Variants in RAPGEF4 observed in about 807,000 individuals in gnomAD.
The protein encoded by RAPGEF4 is Rap guanine nucleotide exchange factor 4.
In RAPGEF4, 66 loss-of-function variants were observed where a neutral mutation model predicts 147.9. The ratio of observed to expected loss-of-function variants is 0.45; its 90% CI spans 0.37 to 0.55. The LOEUF is 0.55. Ranked by LOEUF, RAPGEF4 falls within the 20% of genes least tolerant of loss-of-function variation. RAPGEF4 has a pLI of 0.00. For synonymous variants in RAPGEF4, 419 were observed against 442.7 expected, an observed-to-expected ratio of 0.95 and a Z score of 0.67; for missense variants, 1,071 against 1,257.3, an observed-to-expected ratio of 0.85 and a Z score of 2.24.
chr2:172,846,375 T>C (rs961096557), intron 4 of RAPGEF4, among the ~76,000 whole-genome samples: 3 of 152,216 alleles, frequency 2.0e-5, no homozygotes, highest in African/African-American at 7.2e-5. Context: ...TCCCTGAGCA[T>C]AAGGTTTTGG....
chr2:172,797,458 A>T, intron 2 of RAPGEF4, 67 bp from the exon 3 acceptor site: 1 of 1,292,108 alleles, frequency 7.7e-7, no homozygotes, highest in Non-Finnish European at 1.1e-6. Flanking sequence ...CCAGTGAAAA[A>T]CTGGCAGATC....
chr2:172,804,850 A>G (rs1687326152), intron 3 of RAPGEF4, among the ~76,000 whole-genome samples: 1 of 152,216 alleles, frequency 6.6e-6, no homozygotes, highest in Non-Finnish European at 1.5e-5. Flanking sequence ...GTGCTGATGT[A>G]CACTTCAGGC....
chr2:172,749,800 T>G (rs894060892), intron 1 of RAPGEF4, among the ~76,000 whole-genome samples: 56 of 152,218 alleles, frequency 3.7e-4, no homozygotes, highest in African/African-American at 1.3e-3. Context: ...CTTTTAAAAC[T>G]GAATGTTTTT....
At chr2:172,840,850 T>G (rs1157752349) in intron 4 of RAPGEF4, among the ~76,000 whole-genome samples, 1 of 152,138 alleles carries the variant, frequency 6.6e-6, no homozygotes, top group Admixed American at 6.5e-5. Context: ...CAGAAACAGG[T>G]CCAGAGAGCT....
At chr2:172,900,198 C>T (rs888728494) in intron 4 of RAPGEF4, among the ~76,000 whole-genome samples, 1 of 152,216 alleles carries the variant, frequency 6.6e-6, no homozygotes, top group Non-Finnish European at 1.5e-5. Flanking sequence ...AAAGCTGCAA[C>T]TCTGACTCCT....
chr2:172,936,604 A>G (rs191973993), intron 6 of RAPGEF4, among the ~76,000 whole-genome samples: 1 of 151,486 alleles, frequency 6.6e-6, no homozygotes, highest in African/African-American at 2.4e-5. Flanking sequence ...TTTTTTTGCA[A>G]TAATTTTTTT....
chr2:172,818,502 A>T (rs1688732763), intron 4 of RAPGEF4, among the ~76,000 whole-genome samples: 1 of 152,094 alleles, frequency 6.6e-6, no homozygotes, highest in Non-Finnish European at 1.5e-5. Context: ...TGAATCAGAG[A>T]CCCTGGGTCT....
intron 6 of RAPGEF4, 83 bp from the exon 7 acceptor site, chr2:172,960,677 G>A (rs1353490458): frequency 5.4e-6 from 5 of 924,554 alleles, no homozygotes; most frequent in Admixed American, 3.1e-5. Context: ...AAAAATGGAT[G>A]TTTCTTATTA....
chr2:172,843,719 C>T (rs1190748630), intron 4 of RAPGEF4, among the ~76,000 whole-genome samples: 2 of 99,324 alleles, frequency 2.0e-5, no homozygotes, highest in African/African-American at 8.0e-5. Flanking sequence ...TCATTGCATA[C>T]ATATTATGTA....
At chr2:172,895,788 AACAG>A (rs1327389444) in intron 4 of RAPGEF4, among the ~76,000 whole-genome samples, 1 of 152,190 alleles carries the variant, frequency 6.6e-6, no homozygotes, top group Non-Finnish European at 1.5e-5. Flanking sequence ...TCTCAAAACA[AACAG>A]ACAGACAAAC....
chr2:173,052,782 T>C lies in RAPGEF4; in HGVS notation c.*1015T>C, dbSNP rs1213225815. On this transcript the variant is annotated 3_prime_UTR_variant, in exon 31 of 31. Transcript: ENST00000397081. ...ATTTAGTACGTAATTTTGAAGTACATTTTTTCCTGTTTTCACAATTAGACT... is the reference window on the plus strand; with the variant it reads ...ATTTAGTACGTAATTTTGAAGTACACTTTTTCCTGTTTTCACAATTAGACT... 1 of 152,576 alleles carries C rather than the reference T, an allele frequency of 6.6e-6. No homozygotes were observed. The highest frequency in any genetic ancestry group is 1.5e-5 in the Non-Finnish European group (1 of 68,026). The allele number at this position is 152,576 out of a possible 1,614,324, so 9.5% of individuals were successfully genotyped here. A position where few individuals can be genotyped will look rare whatever the true frequency, so the allele number is the denominator to read the frequency against.
At chr2:172,779,730 G>A (rs1324679291) in intron 1 of RAPGEF4, among the ~76,000 whole-genome samples, 1 of 152,186 alleles carries the variant, frequency 6.6e-6, no homozygotes, top group Admixed American at 6.5e-5. Flanking sequence ...AGAGGGCAAG[G>A]GTGGAAGCAG....
chr2:172,833,119 A>G (rs975758116), intron 4 of RAPGEF4, among the ~76,000 whole-genome samples: 1 of 151,454 alleles, frequency 6.6e-6, no homozygotes, highest in African/African-American at 2.4e-5. Context: ...CAGGAAAATC[A>G]CTTGAACCTG....
At chr2:172,854,270 T>A (rs1410799895) in intron 4 of RAPGEF4, among the ~76,000 whole-genome samples, 12 of 152,058 alleles carry the variant, frequency 7.9e-5, no homozygotes, top group Non-Finnish European at 1.0e-4. Context: ...ATTAGGCATG[T>A]ATGCATTTAT....
intron 3 of RAPGEF4, among the ~76,000 whole-genome samples, chr2:172,803,475 G>A (rs1226824539): frequency 6.6e-6 from 1 of 152,190 alleles, no homozygotes; most frequent in Non-Finnish European, 1.5e-5. Context: ...CAAGTTCCTA[G>A]GCTGCACATA....
chr2:172,841,984 G>C (rs1259618917), intron 4 of RAPGEF4, among the ~76,000 whole-genome samples: 1 of 151,984 alleles, frequency 6.6e-6, no homozygotes, highest in Non-Finnish European at 1.5e-5. Context: ...TTCTTTTCTA[G>C]TAAACACCTG....
intron 1 of RAPGEF4, among the ~76,000 whole-genome samples, chr2:172,737,797 C>G (rs916309319): frequency 6.8e-6 from 1 of 146,094 alleles, no homozygotes; most frequent in Non-Finnish European, 1.6e-5. Context: ...GTTTTAGGCA[C>G]AGAGCTGTTA....
chr2:172,860,567 GTTTT>G (rs11400519), intron 4 of RAPGEF4, among the ~76,000 whole-genome samples: 1 of 129,584 alleles, frequency 7.7e-6, no homozygotes, highest in Non-Finnish European at 1.7e-5. Flanking sequence ...GTTTATTTGG[GTTTT>G]TTTTTTTTTT....
intron 6 of RAPGEF4, among the ~76,000 whole-genome samples, chr2:172,931,643 A>G (rs1405845437): frequency 6.6e-6 from 1 of 152,200 alleles, no homozygotes; most frequent in Non-Finnish European, 1.5e-5. Context: ...AACCACAAAG[A>G]TGAACCGGAA....
Sources: allele counts gnomAD v4.1 joint callset (sites outside exome capture counted in the v4.1 genomes callset), GRCh38; gene constraint gnomAD v4.1.1; transcripts MANE v1.5; gene names NCBI Gene and HGNC (gene_info 2026-07-23, HGNC 2026-07-21).